The following ANKRD11 variants were observed in gnomAD, a reference collection of about 807,000 sequenced individuals.
ANKRD11 encodes the protein ankyrin repeat domain-containing protein 11.
In ANKRD11, 17 loss-of-function variants were observed where a neutral mutation model predicts 195.7. The ratio of observed to expected loss-of-function variants is 0.09; its 90% CI spans 0.06 to 0.13. The LOEUF (loss-of-function observed/expected upper bound fraction) is 0.13. Among genes scored for constraint, ANKRD11 ranks in the 10% least tolerant of loss-of-function variants. The pLI is 1.00. For missense variants in ANKRD11, 3,735 were observed against 3,566.1 expected (o/e 1.05, Z -1.21); for synonymous variants, 1,953 against 1,528.1 (o/e 1.28, Z -6.49).
rs140164595 is a variant in ANKRD11, at chr16:89,281,058, C to A, written c.5484G>T (p.Ser1828=). 6.2e-7 allele frequency: 1 copy of A among 1,605,750 alleles called. No homozygotes were observed. Among genetic ancestry groups the A allele is most frequent in the South Asian group, 1.1e-5 (1 of 90,578 alleles). ...GGGGCAGGGGCGCCCTGTCTTCCAT[C>A]GAGGGTGGCATGGGAGAGTCGTAGC... ...ASSYDSPMPP[S]MEDRAPLPPV... is the part of the protein sequence containing the mutation. Residue 1828 remains serine, a synonymous_variant, in exon 9 of 13, where the codon TCG becomes TCT. Transcript: ENST00000301030. The surrounding 1 kb of genome is among the most constrained non-coding windows in gnomAD (Gnocchi z 5.5).
In ANKRD11 at chr16:89,336,970, G is replaced by A. The variant is rs1037104657; in HGVS notation, c.-59-19892C>T. The stretch of plus-strand genomic sequence containing the variant: ...GGATTGCTTGAGCTCAGGAGGTGGA[G>A]ACTAGCCTGGGCAACATGGTGAAAC... On this transcript the variant is annotated intron_variant, in intron 2 of 12. Transcript: ENST00000301030. 4.6e-5 allele frequency among the ~76,000 whole-genome samples: 6 copies of A among 130,916 alleles called. No individual in the cohort carries two copies. The East Asian group carries it at 1.4e-3, about 32-fold the overall frequency. 85.9% of individuals were successfully genotyped at this position (130,916 alleles called of 152,430 possible).
chr16:89,374,524 C>T (rs959483409), intron 2 of ANKRD11, among the ~76,000 whole-genome samples: 33 of 152,140 alleles, frequency 2.2e-4, no homozygotes, highest in Non-Finnish European at 4.1e-4. Context: ...AATTCAGAGC[C>T]GATGGCCTCT....
chr16:89,422,319 A>C (rs1016057575), intron 1 of ANKRD11: 1 of 152,118 alleles, frequency 6.6e-6, no homozygotes, highest in Non-Finnish European at 1.5e-5. Flanking sequence ...AGAATATCCA[A>C]ACCATTAAAA....
intron 9 of ANKRD11, among the ~76,000 whole-genome samples, chr16:89,275,984 G>A (rs1255352731): frequency 2.6e-5 from 4 of 152,210 alleles, no homozygotes; most frequent in African/African-American, 2.4e-5. Context: ...AAGCATGGCC[G>A]TGTGCTCGGG....
At chr16:89,347,385 G>A (rs541025718) in intron 2 of ANKRD11, among the ~76,000 whole-genome samples, 5 of 152,216 alleles carry the variant, frequency 3.3e-5, no homozygotes, top group African/African-American at 9.6e-5. Flanking sequence ...CAAGATAGGC[G>A]GATCACGAGG....
chr16:89,428,008 G>C (rs907788868), intron 1 of ANKRD11, among the ~76,000 whole-genome samples: 9 of 150,210 alleles, frequency 6.0e-5, no homozygotes, highest in Admixed American at 2.0e-4. Context: ...AGCAGTTTGA[G>C]ACCAGCCTGG....
At chr16:89,442,952 C>T (rs2043591287) in intron 1 of ANKRD11, among the ~76,000 whole-genome samples, 1 of 152,184 alleles carries the variant, frequency 6.6e-6, no homozygotes, top group African/African-American at 2.4e-5. Context: ...AAGGATTTTT[C>T]CTCTAGCCAG....
At chr16:89,325,466 C>CTG (rs897037643) in intron 2 of ANKRD11, among the ~76,000 whole-genome samples, 3 of 136,420 alleles carry the variant, frequency 2.2e-5, no homozygotes, top group Non-Finnish European at 4.6e-5. Context: ...CTCTCTCTCT[C>CTG]TCTCACACAC....
chr16:89,342,414 G>A (rs1280502232), intron 2 of ANKRD11, among the ~76,000 whole-genome samples: 1 of 152,224 alleles, frequency 6.6e-6, no homozygotes, highest in Admixed American at 6.5e-5. Context: ...ATTCGGTCCA[G>A]GATAAACCAG....
At chr16:89,457,421 A>G (rs1297424468) in intron 1 of ANKRD11, among the ~76,000 whole-genome samples, 3 of 150,814 alleles carry the variant, frequency 2.0e-5, no homozygotes, top group Admixed American at 1.3e-4. Flanking sequence ...ATATGGTAAA[A>G]CCCTGTCTCT....
Position 89,281,154 on chromosome 16 carries a change from C to G in ANKRD11, c.5388G>C (p.Arg1796Ser), listed in dbSNP as rs1441235918. ...CGCTGAATTCTTCCTCGGGGGTCCT[C>G]CTAATGTCGACAGAGACCGAGCGGT... ...NLYRSVSVDIRRTPEEEFSVG... is the reference protein window; with the variant it reads ...NLYRSVSVDISRTPEEEFSVG... The change falls in exon 9 of 13, where the codon AGG (arginine) becomes AGC (serine). Residue 1796 changes from arginine (R) to serine (S), a missense_variant. Physicochemically the swap from Arg to Ser is moderately radical, Grantham distance 110. Coordinates refer to ENST00000301030, the MANE Select transcript of ANKRD11 (RefSeq NM_013275.6). The surrounding 1 kb of genome is among the most constrained non-coding windows in gnomAD (Gnocchi z 5.5). 1 of 1,614,140 alleles carries G rather than the reference C, an allele frequency of 6.2e-7. No homozygotes were observed. The highest frequency in any genetic ancestry group is 1.7e-5 in the Admixed American group (1 of 60,026).
intron 1 of ANKRD11, among the ~76,000 whole-genome samples, chr16:89,449,957 A>AGGGAGCCCTTCCTAAGCAAG (rs1162264781): frequency 6.6e-6 from 1 of 152,196 alleles, no homozygotes. Context: ...GAGCACCCTG[A>AGGGAGCCCTTCCTAAGCAAG]GGGAGCCCTT....
chr16:89,345,235 C>T (rs2038881738), intron 2 of ANKRD11, among the ~76,000 whole-genome samples: 1 of 152,004 alleles, frequency 6.6e-6, no homozygotes, highest in South Asian at 2.1e-4. Context: ...GGCAAAAAAA[C>T]ATATTACAAG....
intron 2 of ANKRD11, among the ~76,000 whole-genome samples, chr16:89,340,410 G>C (rs943775897): frequency 2.6e-5 from 4 of 152,234 alleles, no homozygotes; most frequent in African/African-American, 9.6e-5. Flanking sequence ...GAGTAGCTGA[G>C]ATTACAGGCA....
At chr16:89,420,099 T>C (rs1297787177) in intron 1 of ANKRD11, 1 of 152,104 alleles carries the variant, frequency 6.6e-6, no homozygotes, top group Non-Finnish European at 1.5e-5. Flanking sequence ...AATCCATCAA[T>C]CAATAAAAAT....
intron 6 of ANKRD11, 128 bp downstream of exon 6, chr16:89,290,497 G>GC (rs1567591666): frequency 8.5e-5 from 15 of 177,152 alleles, no homozygotes; most frequent in South Asian, 3.4e-4. Context: ...GGGCTCCAAT[G>GC]GGGGGAGGCT....
chr16:89,446,925 G>A (rs2043820041), intron 1 of ANKRD11, among the ~76,000 whole-genome samples: 1 of 152,086 alleles, frequency 6.6e-6, no homozygotes, highest in Non-Finnish European at 1.5e-5. Context: ...CAGTTCCAGG[G>A]ACAGCCGAGG....
chr16:89,455,285 C>A (rs1395221166), intron 1 of ANKRD11, among the ~76,000 whole-genome samples: 1 of 112,760 alleles, frequency 8.9e-6, no homozygotes, highest in Non-Finnish European at 1.9e-5. Flanking sequence ...GTGCTTCTAG[C>A]GTTCCTCAAG....
At chr16:89,383,384 G>T (rs1466269869) in intron 2 of ANKRD11, among the ~76,000 whole-genome samples, 1 of 152,216 alleles carries the variant, frequency 6.6e-6, no homozygotes, top group African/African-American at 2.4e-5. Context: ...AGAACAAGAC[G>T]AGGAGATCTG....
Sources: gnomAD v4.1 joint callset for allele counts (sites outside exome capture counted in the v4.1 genomes callset) on GRCh38, gnomAD v4.1.1 for gene constraint, Gnocchi (gnomAD v3.1) non-coding constraint, MANE v1.5 for transcripts, NCBI Gene and HGNC (gene_info 2026-07-23, HGNC 2026-07-21) for gene names.